The following MATN2 variants were observed in gnomAD, a reference collection of about 807,000 sequenced individuals.
MATN2 encodes the protein matrilin 2.
Under a neutral mutation model 103.2 loss-of-function variants are expected in MATN2, and 69 were observed. The ratio of observed to expected loss-of-function variants is 0.67; its 90% CI spans 0.55 to 0.82. The LOEUF (loss-of-function observed/expected upper bound fraction) is 0.82. Among genes scored for constraint, MATN2 ranks in the 40% least tolerant of loss-of-function variants. MATN2 has a pLI of 0.00. For missense variants in MATN2, 1,023 were observed against 1,211.5 expected (o/e 0.84, Z 2.31); for synonymous variants, 429 against 450.2 (o/e 0.95, Z 0.60).
At chr8:97,935,115 G>A (rs1810328519) in intron 3 of MATN2, among the ~76,000 whole-genome samples, 2 of 151,878 alleles carry the variant, frequency 1.3e-5, no homozygotes, top group Admixed American at 1.3e-4. Flanking sequence ...TAAGAGATAA[G>A]GTCTCACTAT....
intron 2 of MATN2, among the ~76,000 whole-genome samples, chr8:97,895,396 C>T (rs1818776282): frequency 6.6e-6 from 1 of 152,218 alleles, no homozygotes; most frequent in African/African-American, 2.4e-5. Context: ...CCTGAGCTTT[C>T]CAGAGCTTTG....
intron 2 of MATN2, among the ~76,000 whole-genome samples, chr8:97,926,451 C>T (rs1266383587): frequency 6.6e-6 from 1 of 152,212 alleles, no homozygotes; most frequent in Non-Finnish European, 1.5e-5. Flanking sequence ...AAGCTCCTAT[C>T]ATAATGCTGG....
intron 5 of MATN2, among the ~76,000 whole-genome samples, chr8:97,965,391 A>G (rs1811447532): frequency 6.6e-6 from 1 of 152,212 alleles, no homozygotes; most frequent in African/African-American, 2.4e-5. Context: ...GATGGCAAGA[A>G]GTGGGAAGAC....
chr8:97,882,839 G>A (rs929633105), intron 1 of MATN2, among the ~76,000 whole-genome samples: 4 of 151,938 alleles, frequency 2.6e-5, no homozygotes, highest in Non-Finnish European at 5.9e-5. Flanking sequence ...CAGCAGATTT[G>A]TTGTGGCGTC....
chr8:97,994,523 G>A lies in MATN2; in HGVS notation c.1125G>A (p.Glu375=), dbSNP rs1449064889. ...CASSNHGCQH[E]CVNTDDSYSC... ...CATCTAATCACGGATGTCAGCACGA[G>A]TGTGTTAACACAGATGATTCCTATT... is the stretch of plus-strand genomic sequence containing the variant. Residue 375 remains glutamate, a synonymous_variant, in exon 7 of 19, where the codon GAG becomes GAA. Transcript: ENST00000254898. The A allele has an allele frequency of 7.4e-6, 12 of 1,613,210 alleles. No homozygotes were observed. Among genetic ancestry groups the A allele is most frequent in the South Asian group, 1.1e-5 (1 of 90,956 alleles).
At chr8:97,989,243 G>A (rs1812306005) in intron 6 of MATN2, among the ~76,000 whole-genome samples, 1 of 152,220 alleles carries the variant, frequency 6.6e-6, no homozygotes, top group Non-Finnish European at 1.5e-5. Flanking sequence ...GCCGAGGCGG[G>A]CGGATCATGA....
At chr8:98,016,968 C>A (rs150364751) in intron 11 of MATN2, among the ~76,000 whole-genome samples, 134 of 152,280 alleles carry the variant, frequency 8.8e-4, no homozygotes, top group African/African-American at 2.8e-3. Context: ...TATTGCAATT[C>A]TTTGCGCTAT....
At chr8:98,002,948 C>CA (rs1405787657) in intron 7 of MATN2, among the ~76,000 whole-genome samples, 1 of 152,090 alleles carries the variant, frequency 6.6e-6, no homozygotes, top group Non-Finnish European at 1.5e-5. Flanking sequence ...GCAAAGCCCG[C>CA]ACGTCCAGTC....
intron 1 of MATN2, among the ~76,000 whole-genome samples, chr8:97,883,172 C>T (rs1280176030): frequency 6.6e-6 from 1 of 151,506 alleles, no homozygotes; most frequent in African/African-American, 2.4e-5. Context: ...GTAGTCCCAG[C>T]TACTCAGGAG....
intron 5 of MATN2, among the ~76,000 whole-genome samples, chr8:97,975,590 A>G (rs751769430): frequency 6.6e-6 from 1 of 152,168 alleles, no homozygotes; most frequent in Non-Finnish European, 1.5e-5. Context: ...AGCACCATCA[A>G]TGTCCTACAA....
At position 98,003,686 on chromosome 8, in the gene MATN2, A is replaced by G; in HGVS notation, c.1230A>G (p.Lys410=). The change falls in exon 8 of 19, where the codon AAA becomes AAG. Residue 410 remains lysine (K), a synonymous_variant. Transcript: ENST00000254898. Reference sequence around the variant, plus strand: ...GGATCAACTACTGTGCACTGAACAAACCGGGCTGTGAGCATGAGTGCGTCA... The same window carrying G: ...GGATCAACTACTGTGCACTGAACAAGCCGGGCTGTGAGCATGAGTGCGTCA... The part of the protein sequence containing the change: ...CRRINYCALN[K]PGCEHECVNM... 1 of 1,613,574 alleles carries G rather than the reference A, an allele frequency of 6.2e-7. No individual in the cohort carries two copies. Among genetic ancestry groups the G allele is most frequent in the East Asian group, 2.2e-5 (1 of 44,822 alleles).
intron 18 of MATN2, among the ~76,000 whole-genome samples, chr8:98,035,058 AAAT>A (rs1042796519): frequency 6.6e-6 from 1 of 152,092 alleles, no homozygotes; most frequent in African/African-American, 2.4e-5. Context: ...GTCTCTTAAA[AAAT>A]AATAAATAAA....
chr8:97,948,569 G>A (rs747944833), intron 4 of MATN2, among the ~76,000 whole-genome samples: 5 of 152,112 alleles, frequency 3.3e-5, no homozygotes, highest in African/African-American at 1.2e-4. Context: ...ATTTTTTGAC[G>A]GAGTGGGAAG....
chr8:97,962,216 G>A (rs1056367768), intron 5 of MATN2, among the ~76,000 whole-genome samples: 5 of 152,174 alleles, frequency 3.3e-5, no homozygotes, highest in African/African-American at 1.2e-4. Flanking sequence ...TTCATAAACT[G>A]AACTGAATAC....
intron 4 of MATN2, among the ~76,000 whole-genome samples, chr8:97,942,899 T>C (rs1414860655): frequency 2.0e-5 from 3 of 152,164 alleles, no homozygotes; most frequent in African/African-American, 7.2e-5. Context: ...GAGTTCTCCC[T>C]GCCCCTCAAG....
intron 1 of MATN2, among the ~76,000 whole-genome samples, chr8:97,881,913 C>CTTTTTTTT (rs34704905): frequency 8.0e-4 from 67 of 84,112 alleles, no homozygotes; most frequent in Admixed American, 9.4e-4. Context: ...TATTACTTAT[C>CTTTTTTTT]TTTTTTTTTT....
intron 3 of MATN2, among the ~76,000 whole-genome samples, chr8:97,934,462 GC>G (rs1810307686): frequency 1.3e-5 from 2 of 152,220 alleles, no homozygotes; most frequent in African/African-American, 4.8e-5. Flanking sequence ...AAAATGGTGA[GC>G]ATTTTCCAAG....
intron 4 of MATN2, among the ~76,000 whole-genome samples, chr8:97,951,663 G>T (rs1345128320): frequency 6.6e-6 from 1 of 152,166 alleles, no homozygotes; most frequent in East Asian, 1.9e-4. Flanking sequence ...TCAAAAGGGG[G>T]TTTATATTAA....
At position 97,997,884 on chromosome 8, in the gene MATN2, A is replaced by G. The variant is rs1242608556; in HGVS notation, c.1204+3282A>G. 2.0e-5 allele frequency among the ~76,000 whole-genome samples: 3 copies of G among 150,006 alleles called. No individual in the cohort carries two copies. The East Asian group carries it at 5.9e-4, about 30-fold the overall frequency. ...GCCCAGGCTGGAGTGCAGTGGAGCAATCTTGGCTCACTACAACCTCTGTCT... is the reference window on the plus strand; with the variant it reads ...GCCCAGGCTGGAGTGCAGTGGAGCAGTCTTGGCTCACTACAACCTCTGTCT... On this transcript the variant is annotated intron_variant, in intron 7 of 18. Coordinates refer to ENST00000254898, the MANE Select transcript of MATN2 (RefSeq NM_002380.5).
Sources: allele counts gnomAD v4.1 joint callset (sites outside exome capture counted in the v4.1 genomes callset), GRCh38; gene constraint gnomAD v4.1.1; transcripts MANE v1.5; gene names NCBI Gene and HGNC (gene_info 2026-07-23, HGNC 2026-07-21).